Variants in ERG observed in about 807,000 individuals in gnomAD.
ERG encodes transcriptional regulator ERG.
Under a neutral mutation model 55.3 loss-of-function variants are expected in ERG, and 9 were observed. That is an observed-to-expected ratio of 0.16 (90% CI 0.10 to 0.28). The LOEUF (loss-of-function observed/expected upper bound fraction) is 0.28. ERG is among the 10% of genes least tolerant of loss of function. The probability of loss-of-function intolerance (pLI) is 1.00; values close to 1 mark genes in which losing one functional copy is unlikely to be tolerated. For missense variants in ERG, 434 were observed against 631.6 expected (o/e 0.69, Z 3.35); for synonymous variants, 223 against 237.3 (o/e 0.94, Z 0.55).
In ERG at chr21:38,381,738, C is replaced by A. The variant is rs1267514658; in HGVS notation, c.*1665G>T. 9 of 1,063,270 alleles carry A rather than the reference C, an allele frequency of 8.5e-6. No homozygotes were observed. Among genetic ancestry groups the A allele is most frequent in the African/African-American group, 1.6e-5 (1 of 60,916 alleles). The allele number at this position is 1,063,270 out of a possible 1,614,324, so 65.9% of individuals were successfully genotyped here. On this transcript the variant is annotated 3_prime_UTR_variant, in exon 10 of 10. Transcript: ENST00000288319. ...GAACTAGAATTTCTCAATGACAACC[C>A]CAGCTTCATAGGCCTCTTTCCATTC... is the stretch of plus-strand genomic sequence containing the variant.
intron 1 of ERG, among the ~76,000 whole-genome samples, chr21:38,604,125 C>T (rs935396819): frequency 2.6e-5 from 4 of 151,638 alleles, no homozygotes; most frequent in Non-Finnish European, 4.4e-5. Flanking sequence ...TGGTAGCGGG[C>T]GCCTGTGGTT....
chr21:38,387,005 T>A (rs149107208), intron 9 of ERG, among the ~76,000 whole-genome samples: 13 of 151,686 alleles, frequency 8.6e-5, no homozygotes, highest in African/African-American at 3.1e-4. Context: ...AGGAAAGTAA[T>A]CTCCTAATAT....
chr21:38,536,691 C>A (rs1441069526), intron 2 of ERG, among the ~76,000 whole-genome samples: 1 of 152,222 alleles, frequency 6.6e-6, no homozygotes, highest in Non-Finnish European at 1.5e-5. Flanking sequence ...GGAAGTCTGT[C>A]ATCAGTATTT....
Position 38,548,396 on chromosome 21 carries a change from C to T in ERG, c.-41+27266G>A, listed in dbSNP as rs558035686. Among the ~76,000 whole-genome samples the T allele has an allele frequency of 2.6e-4, 39 of 151,738 alleles. 1 individual carries two copies. Among genetic ancestry groups the T allele is most frequent in the Admixed American group, 1.1e-3 (17 of 15,238 alleles). On this transcript the variant is annotated intron_variant, in intron 2 of 8. Transcript: ENST00000398897. ...AAGCTTTCTAAGTCAATGTAGGCAACGATTCCAAGATCCTTATAGTTTTCC... is the reference window on the plus strand; with the variant it reads ...AAGCTTTCTAAGTCAATGTAGGCAATGATTCCAAGATCCTTATAGTTTTCC...
intron 1 of ERG, among the ~76,000 whole-genome samples, chr21:38,474,797 C>T (rs2059172669): frequency 6.6e-6 from 1 of 151,392 alleles, no homozygotes; most frequent in Admixed American, 6.6e-5. Flanking sequence ...CTTTAGCCTA[C>T]AAAAATGTCT....
rs375829842 is a variant in ERG at position 38,600,596 on chromosome 21, A to T, written c.-149-15651T>A. ...CACATGGACCTCATTGATAACACTGACCACACCTCCTTGCTCTTAAGATGG... is the reference window on the plus strand; with the variant it reads ...CACATGGACCTCATTGATAACACTGTCCACACCTCCTTGCTCTTAAGATGG... On this transcript the variant is annotated intron_variant, in intron 1 of 10. Coordinates refer to the ERG transcript ENST00000398910. 1.1e-4 allele frequency among the ~76,000 whole-genome samples: 17 copies of T among 152,266 alleles called. No homozygotes were observed. The East Asian group carries it at 3.1e-3, about 28-fold the overall frequency.
chr21:38,385,602 T>G (rs1987659601), intron 9 of ERG, among the ~76,000 whole-genome samples: 1 of 152,254 alleles, frequency 6.6e-6, no homozygotes, highest in Non-Finnish European at 1.5e-5. Flanking sequence ...TTTCTGAATC[T>G]ATGCTGGAAA....
chr21:38,550,504 C>A (rs1327818410), intron 2 of ERG, among the ~76,000 whole-genome samples: 2 of 152,130 alleles, frequency 1.3e-5, no homozygotes, highest in African/African-American at 2.4e-5. Context: ...ACAAAAGGGA[C>A]CCCAGGGAGA....
intron 1 of ERG, among the ~76,000 whole-genome samples, chr21:38,478,501 C>A (rs1031817209): frequency 6.6e-6 from 1 of 152,050 alleles, no homozygotes; most frequent in Admixed American, 6.6e-5. Flanking sequence ...GCTATGGGCA[C>A]GTGAGCTGAC....
intron 1 of ERG, among the ~76,000 whole-genome samples, chr21:38,655,883 T>A (rs1473035248): frequency 6.6e-6 from 1 of 152,150 alleles, no homozygotes; most frequent in Non-Finnish European, 1.5e-5. Context: ...CCCCTCAAAT[T>A]ATTTGGTGAA....
chr21:38,544,478 T>C (rs574950148), intron 2 of ERG, among the ~76,000 whole-genome samples: 1 of 152,264 alleles, frequency 6.6e-6, no homozygotes, highest in Non-Finnish European at 1.5e-5. Flanking sequence ...GGGGAGTGAC[T>C]CTTTTCAGTA....
At chr21:38,417,789 A>AAAAT (rs1207498458) in intron 3 of ERG, among the ~76,000 whole-genome samples, 2 of 152,110 alleles carry the variant, frequency 1.3e-5, no homozygotes, top group Non-Finnish European at 2.9e-5. Context: ...GCTCCATCTC[A>AAAAT]AAATAAATAA....
intron 1 of ERG, among the ~76,000 whole-genome samples, chr21:38,592,137 A>G (rs938269811): frequency 6.6e-6 from 1 of 152,238 alleles, no homozygotes; most frequent in Non-Finnish European, 1.5e-5. Flanking sequence ...CTCTCACAGG[A>G]AAACTCCTGA....
chr21:38,534,239 G>A (rs1253171355), intron 2 of ERG, among the ~76,000 whole-genome samples: 3 of 152,038 alleles, frequency 2.0e-5, no homozygotes, highest in Non-Finnish European at 4.4e-5. Flanking sequence ...GCATGAACCA[G>A]TAAGTCATTA....
chr21:38,527,266 C>T (rs1336552153), intron 2 of ERG, among the ~76,000 whole-genome samples: 2 of 152,162 alleles, frequency 1.3e-5, no homozygotes, highest in Non-Finnish European at 2.9e-5. Context: ...TGAAGGCCAG[C>T]GCTATTCCAA....
At chr21:38,593,858 G>A (rs117104804) in intron 1 of ERG, among the ~76,000 whole-genome samples, 2,173 of 152,170 alleles carry the variant, frequency 0.014, 24 homozygotes, top group Middle Eastern at 0.034. Context: ...TATTCTTTCA[G>A]CATCACTTTG....
chr21:38,659,913 C>T (rs1353046206), intron 1 of ERG, among the ~76,000 whole-genome samples: 8 of 152,156 alleles, frequency 5.3e-5, no homozygotes, highest in Non-Finnish European at 1.2e-4. Context: ...TGATAAAATA[C>T]AGACTATATT....
rs568432398 is a variant in ERG, at chr21:38,386,200, T to G, written c.920-2277A>C. Among the ~76,000 whole-genome samples, 6 of 152,354 alleles carry G rather than the reference T, an allele frequency of 3.9e-5. No homozygotes were observed. In the South Asian group the frequency reaches 1.2e-3, roughly 32 times the overall value. ...TGGATGAGCTAATTTCTCACTTGAC[T>G]ATTTTACCCAGTAGCCATAAAGACA... On this transcript the variant is annotated intron_variant, in intron 9 of 9. Transcript: ENST00000288319.
At chr21:38,643,154 T>C (rs1176690576) in intron 1 of ERG, among the ~76,000 whole-genome samples, 3 of 152,194 alleles carry the variant, frequency 2.0e-5, no homozygotes, top group African/African-American at 7.2e-5. Flanking sequence ...AAATCCCGAA[T>C]ATGTAAGAAA....
Sources: gnomAD v4.1 joint callset for allele counts (sites outside exome capture counted in the v4.1 genomes callset) on GRCh38, gnomAD v4.1.1 for gene constraint, MANE v1.5 for transcripts, NCBI Gene and HGNC (gene_info 2026-07-23, HGNC 2026-07-21) for gene names.